YAF2: variants seen among roughly 807,000 people sequenced by gnomAD.
YAF2 encodes YY1 associated factor 2, also known as YY1-associated factor 2.
A neutral mutation model predicts 20.1 loss-of-function variants in YAF2; 7 were observed. The observed-to-expected ratio is 0.35, with a 90% CI of 0.20 to 0.65. The LOEUF is 0.65. Ranked by LOEUF, YAF2 falls within the 30% of genes least tolerant of loss-of-function variation. The pLI is 0.69. For synonymous variants in YAF2, 74 were observed against 76.0 expected (o/e 0.97, Z 0.14); for missense variants, 151 against 219.2 (o/e 0.69, Z 1.96).
At chr12:42,205,125 G>T (rs2067003663) in intron 2 of YAF2, among the ~76,000 whole-genome samples, 1 of 147,248 alleles carries the variant, frequency 6.8e-6, no homozygotes, top group African/African-American at 2.5e-5. Context: ...ATGGTTTTTG[G>T]TTTCTTTTTC....
chr12:42,172,383 C>T lies in YAF2; in HGVS notation c.153-10618G>A, dbSNP rs539939856. Among the ~76,000 whole-genome samples the T allele has an allele frequency of 1.6e-4, 24 of 152,306 alleles. No individual in the cohort carries two copies. In the South Asian group the frequency reaches 4.6e-3, roughly 29 times the overall value. Reference sequence around the variant, plus strand: ...CCTGGCTACTAAGCCACAATGACAGCATGTACCATCAGCAGATGGGCTAGA... The same window carrying T: ...CCTGGCTACTAAGCCACAATGACAGTATGTACCATCAGCAGATGGGCTAGA... On this transcript the variant is annotated intron_variant, in intron 2 of 3. Transcript: ENST00000534854.
chr12:42,228,003 C>G (rs1287605948), intron 2 of YAF2, among the ~76,000 whole-genome samples: 8 of 138,398 alleles, frequency 5.8e-5, no homozygotes, highest in South Asian at 2.3e-4. Flanking sequence ...GGCCAGCCGC[C>G]CCGTCCAGGA....
intron 3 of YAF2, 189 bp from the exon 4 acceptor site, chr12:42,161,015 G>T: frequency 1.8e-6 from 1 of 558,348 alleles, no homozygotes; most frequent in African/African-American, 1.9e-5. Flanking sequence ...AATCATTCAT[G>T]AACATTCTTC....
At chr12:42,194,160 G>T (rs977551363) in intron 2 of YAF2, among the ~76,000 whole-genome samples, 2 of 152,150 alleles carry the variant, frequency 1.3e-5, no homozygotes, top group African/African-American at 4.8e-5. Flanking sequence ...TTAAGCTAAG[G>T]TTAACTTATT....
intron 2 of YAF2, among the ~76,000 whole-genome samples, chr12:42,207,911 G>T (rs779339622): frequency 2.0e-5 from 3 of 151,666 alleles, no homozygotes; most frequent in African/African-American, 4.8e-5. Context: ...ACAAAAAACT[G>T]GTAAGTTTAT....
At chr12:42,165,056 T>C (rs2065880052) in intron 2 of YAF2, among the ~76,000 whole-genome samples, 1 of 140,092 alleles carries the variant, frequency 7.1e-6, no homozygotes, top group Non-Finnish European at 1.5e-5. Context: ...CCCTGTCTTC[T>C]GGAACAAAAA....
rs75777377 is a variant in YAF2, at chr12:42,199,311, A to G, written c.153-37546T>C. ...AGAATTTGACCAATAGTTTAAATCC[A>G]TCAAACATAATAATATACTTTGTTT... On this transcript the variant is annotated intron_variant, in intron 2 of 3. Transcript: ENST00000534854. The G allele has an allele frequency of 1.3e-3, 1,005 of 749,438 alleles. 10 individuals carry two copies. In the African/African-American group the frequency reaches 0.018, roughly 13 times the overall value. 46.4% of individuals were successfully genotyped at this position (749,438 alleles called of 1,614,324 possible).
chr12:42,227,852 T>C, intron 2 of YAF2, among the ~76,000 whole-genome samples: 2 of 94,830 alleles, frequency 2.1e-5, no homozygotes, highest in Admixed American at 1.2e-4. Context: ...GGTGGGGGGG[T>C]CAGCCCCCCG....
At chr12:42,184,412 C>T (rs932056562) in intron 2 of YAF2, among the ~76,000 whole-genome samples, 2 of 152,130 alleles carry the variant, frequency 1.3e-5, no homozygotes, top group African/African-American at 4.8e-5. Flanking sequence ...CAGGTTCAAG[C>T]GATTCTCCTG....
chr12:42,209,545 T>C lies in YAF2; in HGVS notation c.152+28054A>G, dbSNP rs537368656. Among the ~76,000 whole-genome samples the C allele has an allele frequency of 9.8e-4, 113 of 115,416 alleles. 1 individual carries two copies. Among genetic ancestry groups the C allele is most frequent in the African/African-American group, 3.8e-3 (109 of 28,624 alleles). The allele number at this position is 115,416 out of a possible 152,430, so 75.7% of individuals were successfully genotyped here. The stretch of plus-strand genomic sequence containing the variant: ...CACCACTGCACTCTAGCCTGGGCGA[T>C]AGAGCCAGACTTTGTCTCAAAAAAA... On this transcript the variant is annotated intron_variant, in intron 2 of 3. Transcript: ENST00000534854.
Position 42,219,510 on chromosome 12 carries a change from T to C in YAF2, c.152+18089A>G, listed in dbSNP as rs77317721. On this transcript the variant is annotated intron_variant, in intron 2 of 3. Transcript: ENST00000534854. ...TCATTAAGCTCATTCAGAGAAGTGT[T>C]TGCTAAACAGAAAGGGGGACCAGAG... 8.3e-3 allele frequency among the ~76,000 whole-genome samples: 1,267 copies of C among 152,170 alleles called. 19 individuals are homozygous for C. The highest frequency in any genetic ancestry group is 0.029 in the African/African-American group (1,205 of 41,496).
chr12:42,196,422 C>T (rs10492386), intron 2 of YAF2, among the ~76,000 whole-genome samples: 31,426 of 151,840 alleles, frequency 0.21, 3,357 homozygotes, highest in Admixed American at 0.25. Context: ...GTACATGAAA[C>T]GATTTGCAAG....
At position 42,158,792 on chromosome 12, in the gene YAF2, T is replaced by C. The variant is rs949587339; in HGVS notation, c.*1797A>G. On this transcript the variant is annotated 3_prime_UTR_variant, in exon 4 of 4. Coordinates refer to ENST00000534854, the MANE Select transcript of YAF2 (RefSeq NM_005748.6). ...ATTTAAAATACATCCTGAAAGTTAT[T>C]TGATCATAAGATGTAATTCCTTTAA... is the stretch of plus-strand genomic sequence containing the variant. The C allele has an allele frequency of 3.9e-5, 6 of 152,214 alleles. No individual in the cohort carries two copies. Among genetic ancestry groups the C allele is most frequent in the Non-Finnish European group, 5.9e-5 (4 of 68,022 alleles). The allele number at this position is 152,214 out of a possible 1,614,324, so 9.4% of individuals were successfully genotyped here. A position where few individuals can be genotyped will look rare whatever the true frequency, so the allele number is the denominator to read the frequency against.
rs2065741266 is a variant in YAF2, at chr12:42,158,432, G to GT, written c.*2156dup. 2.0e-5 allele frequency: 3 copies of GT among 152,092 alleles called. No individual in the cohort carries two copies. The highest frequency in any genetic ancestry group is 2.0e-4 in the Admixed American group (3 of 15,270). The allele number at this position is 152,092 out of a possible 1,614,324, so 9.4% of individuals were successfully genotyped here. A position where few individuals can be genotyped will look rare whatever the true frequency, so the allele number is the denominator to read the frequency against. ...TAATGGGATTTTACCTATAACAATG[G>GT]TAAAAGCTCACATTTACTGAGTGAC... On this transcript the variant is annotated 3_prime_UTR_variant, in exon 4 of 4. Transcript: ENST00000534854.
At chr12:42,219,964 G>C (rs1233508737) in intron 2 of YAF2, among the ~76,000 whole-genome samples, 5 of 152,048 alleles carry the variant, frequency 3.3e-5, no homozygotes, top group Non-Finnish European at 7.4e-5. Flanking sequence ...AAAGTTCCCT[G>C]GTAAAATAAG....
intron 2 of YAF2, among the ~76,000 whole-genome samples, chr12:42,200,379 C>T (rs778926462): frequency 6.6e-6 from 1 of 152,150 alleles, no homozygotes; most frequent in Non-Finnish European, 1.5e-5. Context: ...AAGAGAGAGG[C>T]TGAAAACTAT....
chr12:42,225,012 A>G (rs1047518988), intron 2 of YAF2, among the ~76,000 whole-genome samples: 1 of 152,248 alleles, frequency 6.6e-6, no homozygotes, highest in East Asian at 1.9e-4. Flanking sequence ...AAGCGTTCCT[A>G]TTTCTCCACA....
intron 2 of YAF2, among the ~76,000 whole-genome samples, chr12:42,173,470 G>A (rs186404968): frequency 3.3e-5 from 5 of 152,214 alleles, no homozygotes; most frequent in East Asian, 3.9e-4. Context: ...TAAATGACAC[G>A]ACAGTTTGGC....
At chr12:42,174,632 C>T (rs2066134333) in intron 2 of YAF2, among the ~76,000 whole-genome samples, 1 of 152,146 alleles carries the variant, frequency 6.6e-6, no homozygotes, top group African/African-American at 2.4e-5. Flanking sequence ...AATTCTCAGG[C>T]CTTGCCCTAG....
Sources: gnomAD v4.1 joint callset for allele counts (sites outside exome capture counted in the v4.1 genomes callset) on GRCh38, gnomAD v4.1.1 for gene constraint, MANE v1.5 for transcripts, NCBI Gene and HGNC (gene_info 2026-07-23, HGNC 2026-07-21) for gene names.